ZNF384: variants seen among roughly 807,000 people sequenced by gnomAD.
ZNF384 encodes the protein CAG repeat protein 1.
ZNF384 carries 20 observed loss-of-function variants against 65.0 expected under a neutral mutation model. The ratio of observed to expected loss-of-function variants is 0.31; its 90% CI spans 0.22 to 0.45. ZNF384 has a LOEUF of 0.45. Ranked by LOEUF, ZNF384 falls within the 20% of genes least tolerant of loss-of-function variation. The pLI is 1.00. For missense variants in ZNF384, 549 were observed against 769.4 expected, an observed-to-expected ratio of 0.71 and a Z score of 3.39; for synonymous variants, 310 against 303.9, an observed-to-expected ratio of 1.02 and a Z score of -0.21.
rs548904960 is a variant in ZNF384 at position 6,668,124 on chromosome 12, G to A, written c.1426-9C>T. ...TTCATAAGGTATGTTTCCTGAGGGA[G>A]ATGGTAAAAAGAAGTTGAGGGATAA... On this transcript the variant is annotated splice_polypyrimidine_tract_variant and intron_variant, in intron 11 of 11. Coordinates refer to ENST00000683879, the MANE Select transcript of ZNF384 (RefSeq NM_001385745.1). 4 of 1,563,164 alleles carry A rather than the reference G, an allele frequency of 2.6e-6. No homozygotes were observed. Among genetic ancestry groups the A allele is most frequent in the South Asian group, 2.4e-5 (2 of 83,242 alleles).
chr12:6,678,303 C>A lies in ZNF384; in HGVS notation c.510G>T (p.Ser170=). 1 of 1,614,132 alleles carries A rather than the reference C, an allele frequency of 6.2e-7. No homozygotes were observed. Among genetic ancestry groups the A allele is most frequent in the South Asian group, 1.1e-5 (1 of 91,082 alleles). ...VVPDLSKKVA[S]TLTEEGGGGG... The stretch of plus-strand genomic sequence containing the variant: ...CTCCGCCTCCTTCCTCGGTTAGGGT[C>A]GATGCTACCTTCTTGGAGAGGTCAG... Residue 170 remains serine, a synonymous_variant, in exon 6 of 12, where the codon TCG becomes TCT. Coordinates refer to ENST00000683879, the MANE Select transcript of ZNF384 (RefSeq NM_001385745.1). This position sits in a 1 kb window ranked among gnomAD's most constrained non-coding sequence, Gnocchi z 4.9.
chr12:6,682,155 AG>A lies in ZNF384; in HGVS notation c.-5-2631del, dbSNP rs1169816403. ...AAAAAAAAAAATTGAAAAAAAAAAA[AG>A]AAAAAGAAAAAAAAAGAGGTGAGTG... On this transcript the variant is annotated intron_variant, in intron 2 of 11. Coordinates refer to ENST00000683879, the MANE Select transcript of ZNF384 (RefSeq NM_001385745.1). 4.0e-5 allele frequency among the ~76,000 whole-genome samples: 6 copies of A among 151,410 alleles called. No individual in the cohort carries two copies. In the East Asian group the frequency reaches 9.7e-4, roughly 24 times the overall value.
At chr12:6,688,731 C>T (rs1958894998) in intron 1 of ZNF384, 1 of 152,604 alleles carries the variant, frequency 6.6e-6, no homozygotes, top group Non-Finnish European at 1.5e-5. Context: ...AAGTACCTCC[C>T]TCAGCCTGCA....
At chr12:6,683,283 T>C (rs1956726033) in intron 2 of ZNF384, among the ~76,000 whole-genome samples, 1 of 149,928 alleles carries the variant, frequency 6.7e-6, no homozygotes. Context: ...AGAGCAAGAC[T>C]GTCTCAAAAA....
At chr12:6,683,696 A>G (rs2137249463) in intron 2 of ZNF384, among the ~76,000 whole-genome samples, 1 of 151,578 alleles carries the variant, frequency 6.6e-6, no homozygotes, top group South Asian at 2.1e-4. Flanking sequence ...TCAAGGAAGT[A>G]AAGTAAATGC....
At chr12:6,670,166 G>A (rs1002553832) in intron 10 of ZNF384, among the ~76,000 whole-genome samples, 15 of 152,332 alleles carry the variant, frequency 9.8e-5, no homozygotes, top group African/African-American at 3.6e-4. Context: ...GGTGACTCAT[G>A]CTTGCAATCC....
In ZNF384 at chr12:6,679,122, C is replaced by A. The variant is rs549470495; in HGVS notation, c.128G>T (p.Gly43Val). The A allele has an allele frequency of 5.6e-6, 9 of 1,610,298 alleles. No individual in the cohort carries two copies. Among genetic ancestry groups the A allele is most frequent in the Non-Finnish European group, 7.6e-6 (9 of 1,177,678 alleles). Residue 43 changes from glycine (G) to valine (V), a missense_variant, in exon 4 of 12, where the codon GGT becomes GTT. By Grantham distance (109) the Gly-to-Val change is moderately radical. Transcript: ENST00000683879. The stretch of plus-strand genomic sequence containing the variant: ...GGTGGGGTAGTGAGGTGGGGCCAGA[C>A]CACAGCCCTTCTCTGGCAACAGCTG... ...KDQLLPEKGC[G>V]LAPPHYPTLL... is the part of the protein sequence containing the mutation.
Position 6,672,825 on chromosome 12 carries a change from A to G in ZNF384, c.1005-293T>C, listed in dbSNP as rs757052377. Among the ~76,000 whole-genome samples, 33 of 152,160 alleles carry G rather than the reference A, an allele frequency of 2.2e-4. No homozygotes were observed. Among genetic ancestry groups the G allele is most frequent in the Non-Finnish European group, 4.7e-4 (32 of 68,012 alleles). On this transcript the variant is annotated intron_variant, in intron 8 of 11. Coordinates refer to ENST00000683879, the MANE Select transcript of ZNF384 (RefSeq NM_001385745.1). The surrounding 1 kb of genome is among the most constrained non-coding windows in gnomAD (Gnocchi z 4.4). Reference sequence around the variant, plus strand: ...CAACCCTCCGCTTTCTCCTAAGGTTAACACACTCACCACAGACACCCTGCT... The same window carrying G: ...CAACCCTCCGCTTTCTCCTAAGGTTGACACACTCACCACAGACACCCTGCT...
At chr12:6,679,349 C>T (rs2136986330) in intron 3 of ZNF384, 106 bp downstream of exon 3, 1 of 1,274,950 alleles carries the variant, frequency 7.8e-7, no homozygotes, top group Non-Finnish European at 1.1e-6. Context: ...AGATAATTCT[C>T]AGGGGTGGGG....
intron 2 of ZNF384, among the ~76,000 whole-genome samples, chr12:6,682,558 G>C (rs1956423115): frequency 6.6e-6 from 1 of 152,122 alleles, no homozygotes; most frequent in Non-Finnish European, 1.5e-5. Flanking sequence ...TAAGGCAGGA[G>C]AATCATTTAA....
rs756300458 is a variant in ZNF384, at chr12:6,678,937, G to A, written c.304+9C>T. ...ACACCTCAGATTGGAGAAGAGCAGAGTTGCTCACCAGCAGTCATCAGTCCT... is the reference window on the plus strand; with the variant it reads ...ACACCTCAGATTGGAGAAGAGCAGAATTGCTCACCAGCAGTCATCAGTCCT... On this transcript the variant is annotated intron_variant, in intron 4 of 11. Transcript: ENST00000683879. The surrounding 1 kb of genome is among the most constrained non-coding windows in gnomAD (Gnocchi z 4.9). The A allele has an allele frequency of 3.3e-5, 54 of 1,611,964 alleles. No homozygotes were observed. The East Asian group carries it at 9.8e-4, about 29-fold the overall frequency.
Position 6,678,769 on chromosome 12 carries a change from T to C in ZNF384, c.305-59A>G. Reference sequence around the variant, plus strand: ...CAAAGGCAGGGACCGCATCTTCTACTTCTTTGTATCCCCCACAATGCCTAG... The same window carrying C: ...CAAAGGCAGGGACCGCATCTTCTACCTCTTTGTATCCCCCACAATGCCTAG... On this transcript the variant is annotated intron_variant, in intron 4 of 11. Transcript: ENST00000683879. This position sits in a 1 kb window ranked among gnomAD's most constrained non-coding sequence, Gnocchi z 4.9. 6.3e-7 allele frequency: 1 copy of C among 1,585,778 alleles called. No homozygotes were observed. Among genetic ancestry groups the C allele is most frequent in the Non-Finnish European group, 8.7e-7 (1 of 1,155,338 alleles).
In ZNF384 at chr12:6,679,539, G is replaced by A; in HGVS notation, c.-5-14C>T. 2 of 1,603,024 alleles carry A rather than the reference G, an allele frequency of 1.2e-6. No homozygotes were observed. The highest frequency in any genetic ancestry group is 1.7e-4 in the Middle Eastern group (1 of 6,032). ...CTTCCATTCTACCTGAAGAAAAAAT[G>A]AGAGAACATGTCACACTCAGGAATT... On this transcript the variant is annotated splice_polypyrimidine_tract_variant and intron_variant, in intron 2 of 11. Transcript: ENST00000683879.
At chr12:6,684,036 C>T (rs528911967) in intron 2 of ZNF384, among the ~76,000 whole-genome samples, 2 of 152,104 alleles carry the variant, frequency 1.3e-5, no homozygotes, top group East Asian at 3.9e-4. Flanking sequence ...AACTGGTGGA[C>T]AATATCACCA....
chr12:6,670,234 G>A (rs1270153551), intron 10 of ZNF384, among the ~76,000 whole-genome samples: 1 of 151,986 alleles, frequency 6.6e-6, no homozygotes, highest in Non-Finnish European at 1.5e-5. Context: ...TTCGAGACCA[G>A]CCTAGGGAAG....
rs548778432 is a variant in ZNF384, at chr12:6,674,627, G to C, written c.780-1187C>G. Among the ~76,000 whole-genome samples the C allele has an allele frequency of 2.6e-5, 4 of 152,334 alleles. No homozygotes were observed. In the South Asian group the frequency reaches 8.3e-4, roughly 32 times the overall value. ...TGAGATGCCCAATCATTGCAGGAGA[G>C]AGGGGGAGGCTCTGTTTATAGTGAG... On this transcript the variant is annotated intron_variant, in intron 7 of 11. Coordinates refer to ENST00000683879, the MANE Select transcript of ZNF384 (RefSeq NM_001385745.1).
chr12:6,680,430 T>C (rs539198958), intron 2 of ZNF384, among the ~76,000 whole-genome samples: 1 of 151,898 alleles, frequency 6.6e-6, no homozygotes, highest in African/African-American at 2.4e-5. Flanking sequence ...AGGTGGATCA[T>C]TTGACCTCAG....
Position 6,673,286 on chromosome 12 carries a change from C to A in ZNF384, c.934G>T (p.Ala312Ser). 6.2e-7 allele frequency: 1 copy of A among 1,613,748 alleles called. No individual in the cohort carries two copies. The highest frequency in any genetic ancestry group is 8.5e-7 in the Non-Finnish European group (1 of 1,180,012). ...LAQHIRIHSG[A>S]KPYSCNFCEK... The stretch of plus-strand genomic sequence containing the variant: ...CAGAAGTTACAACTGTAGGGCTTAG[C>A]CCCTGAGTGTATACGGATGTGCTGG... Residue 312 changes from alanine to serine, a missense_variant, in exon 8 of 12, where the codon GCT becomes TCT. By Grantham distance (99) the Ala-to-Ser change is moderately conservative (BLOSUM62 1). Around this residue, in one of 5 missense-constraint regions of ZNF384, gnomAD observed 39 missense variants for 85.8 expected, o/e 0.45. Transcript: ENST00000683879. This position sits in a 1 kb window ranked among gnomAD's most constrained non-coding sequence, Gnocchi z 4.7.
chr12:6,679,267 GTCC>G, intron 3 of ZNF384, 84 bp from the exon 4 acceptor site: 1 of 1,340,006 alleles, frequency 7.5e-7, no homozygotes, highest in East Asian at 2.3e-5. Context: ...TTCAGTGTCT[GTCC>G]TCCTTAGGGA....
Sources: gnomAD v4.1 joint callset for allele counts (sites outside exome capture counted in the v4.1 genomes callset) on GRCh38, gnomAD v4.1.1 for gene constraint, gnomAD v4.1.1 regional missense constraint, Gnocchi (gnomAD v3.1) non-coding constraint, MANE v1.5 for transcripts, NCBI Gene and HGNC (gene_info 2026-07-23, HGNC 2026-07-21) for gene names.